The following CSMD3 variants were observed in gnomAD, a reference collection of about 807,000 sequenced individuals.
CSMD3 encodes the protein CUB and Sushi multiple domains 3, also known as CUB and sushi domain-containing protein 3.
CSMD3 carries 177 observed loss-of-function variants against 435.2 expected under a neutral mutation model. That is an observed-to-expected ratio of 0.41 (90% confidence interval 0.36 to 0.46). The LOEUF is 0.46. Among genes scored for constraint, CSMD3 ranks in the 20% least tolerant of loss-of-function variants. The probability of loss-of-function intolerance (pLI) is 0.34; values close to 1 mark genes in which losing one functional copy is unlikely to be tolerated. For missense variants in CSMD3, 4,265 were observed against 4,504.6 expected, an observed-to-expected ratio of 0.95 and a Z score of 1.52; for synonymous variants, 1,656 against 1,520.5, an observed-to-expected ratio of 1.09 and a Z score of -2.07.
chr8:112,602,857 G>A (rs559766997), intron 22 of CSMD3, among the ~76,000 whole-genome samples: 23 of 152,242 alleles, frequency 1.5e-4, no homozygotes, highest in East Asian at 9.6e-4. Context: ...TGAAATGGTA[G>A]GCAATCACAG....
rs561758470 is a variant in CSMD3 at position 113,276,283 on chromosome 8, G to A, written c.514+2309C>T. ...GAGATTAGCATTCATTAGCCAGATG[G>A]GCCCAAGCCAATCACACGGACTTTA... is the stretch of plus-strand genomic sequence containing the variant. On this transcript the variant is annotated intron_variant, in intron 3 of 70. Coordinates refer to ENST00000297405, the MANE Select transcript of CSMD3 (RefSeq NM_198123.2). Among the ~76,000 whole-genome samples the A allele has an allele frequency of 5.9e-5, 9 of 152,208 alleles. No individual in the cohort carries two copies. The South Asian group carries it at 1.2e-3, about 21-fold the overall frequency.
chr8:112,704,614 T>C (rs2076459438), intron 13 of CSMD3, among the ~76,000 whole-genome samples: 1 of 151,948 alleles, frequency 6.6e-6, no homozygotes, highest in Non-Finnish European at 1.5e-5. Context: ...TTCCGAGAGT[T>C]TTATGCAAGA....
intron 4 of CSMD3, among the ~76,000 whole-genome samples, chr8:113,160,263 T>G (rs2092013961): frequency 6.6e-6 from 1 of 151,904 alleles, no homozygotes; most frequent in African/African-American, 2.4e-5. Context: ...CTTATTATTT[T>G]TCTTCTATAT....
At chr8:113,393,216 G>A (rs1204378167) in intron 1 of CSMD3, among the ~76,000 whole-genome samples, 1 of 151,740 alleles carries the variant, frequency 6.6e-6, no homozygotes, top group African/African-American at 2.4e-5. Flanking sequence ...GTTATATTTG[G>A]TAGATACTGT....
At chr8:112,464,018 C>T (rs946719467) in intron 32 of CSMD3, among the ~76,000 whole-genome samples, 3 of 152,110 alleles carry the variant, frequency 2.0e-5, no homozygotes, top group South Asian at 4.2e-4. Context: ...GGGCAGATCA[C>T]GAGGTCAGGA....
chr8:112,489,216 G>A (rs141866796), intron 31 of CSMD3, among the ~76,000 whole-genome samples: 2,639 of 152,060 alleles, frequency 0.017, 77 homozygotes, highest in African/African-American at 0.06. Flanking sequence ...CCAGTAGTTC[G>A]AGACCAGCCT....
chr8:112,595,869 T>TAAAAA (rs200431462), intron 22 of CSMD3, among the ~76,000 whole-genome samples: 1 of 109,176 alleles, frequency 9.2e-6, no homozygotes, highest in East Asian at 2.5e-4. Flanking sequence ...AAGGAAGCGC[T>TAAAAA]AAACATGGAA....
intron 1 of CSMD3, among the ~76,000 whole-genome samples, chr8:113,426,896 A>G (rs1445503073): frequency 6.6e-6 from 1 of 151,512 alleles, no homozygotes; most frequent in Non-Finnish European, 1.5e-5. Context: ...GACTTGACCA[A>G]CCTTGGAGAA....
rs568769666 is a variant in CSMD3, at chr8:112,802,943, T to C, written c.1860-2669A>G. On this transcript the variant is annotated intron_variant, in intron 12 of 70. Coordinates refer to ENST00000297405, the MANE Select transcript of CSMD3 (RefSeq NM_198123.2). The stretch of plus-strand genomic sequence containing the variant: ...ACAATTAACTTTGATGGTGGAAAAA[T>C]AGGGGAAGCCAAGGATATTGCCTGC... Among the ~76,000 whole-genome samples, 53 of 152,126 alleles carry C rather than the reference T, an allele frequency of 3.5e-4. No homozygotes were observed. In the South Asian group the frequency reaches 4.8e-3, roughly 14 times the overall value.
intron 29 of CSMD3, 34 bp downstream of exon 29, chr8:112,506,657 T>G: frequency 6.2e-7 from 1 of 1,608,044 alleles, no homozygotes; most frequent in Non-Finnish European, 8.5e-7. Context: ...ACAATATATT[T>G]TTTTAACGTG....
intron 60 of CSMD3, 110 bp from the exon 61 acceptor site, chr8:112,263,922 G>A (rs1656536634): frequency 2.1e-6 from 2 of 950,024 alleles, no homozygotes; most frequent in East Asian, 5.2e-5. Flanking sequence ...ACCTTTTCGA[G>A]GACAATATGT....
intron 16 of CSMD3, among the ~76,000 whole-genome samples, chr8:112,680,572 A>G (rs2075866849): frequency 6.6e-6 from 1 of 152,182 alleles, no homozygotes; most frequent in South Asian, 2.1e-4. Flanking sequence ...ATACCATCAT[A>G]GTCATAATTA....
In CSMD3 at chr8:112,503,933, C is replaced by A. The variant is rs1172922860; in HGVS notation, c.4940G>T (p.Gly1647Val). The A allele has an allele frequency of 5.6e-6, 9 of 1,610,588 alleles. No homozygotes were observed. The Admixed American group carries it at 1.3e-4, about 24-fold the overall frequency. The change falls in exon 30 of 71, where the codon GGA becomes GTA. Residue 1647 changes from glycine to valine, a missense_variant. Physicochemically the swap from Gly to Val is moderately radical, Grantham distance 109. Around this residue, in one of 3 missense-constraint regions of CSMD3, gnomAD observed 3,255 missense variants for 3,380.2 expected, o/e 0.96. Coordinates refer to ENST00000297405, the MANE Select transcript of CSMD3 (RefSeq NM_198123.2). ...PNYDFLYIYD[G>V]PDSNSPLIGS... is the part of the protein sequence containing the mutation. The stretch of plus-strand genomic sequence containing the variant: ...AATCAGTGGGCTATTACTGTCTGGT[C>A]CATCATAGATATAGAGGAAGTCATA...
At chr8:112,235,845 C>T (rs1022096981) in intron 67 of CSMD3, among the ~76,000 whole-genome samples, 3 of 151,870 alleles carry the variant, frequency 2.0e-5, no homozygotes, top group Non-Finnish European at 1.5e-5. Flanking sequence ...TAAGTGAAAG[C>T]GAATTAATCT....
intron 2 of CSMD3, among the ~76,000 whole-genome samples, chr8:113,297,569 T>C (rs1374167629): frequency 6.6e-6 from 1 of 152,070 alleles, no homozygotes; most frequent in East Asian, 1.9e-4. Flanking sequence ...CTATTTTATT[T>C]AAACTAGTAG....
In CSMD3 at chr8:113,176,110, C is replaced by T. The variant is rs1246184750; in HGVS notation, c.515-2194G>A. 2.0e-5 allele frequency among the ~76,000 whole-genome samples: 3 copies of T among 152,158 alleles called. No individual in the cohort carries two copies. In the East Asian group the frequency reaches 5.8e-4, roughly 29 times the overall value. ...GATTACCTAATCTCCTGCCTTATCG[C>T]TTAATTACTTCTAAAACTGATAAAA... On this transcript the variant is annotated intron_variant, in intron 3 of 70. Transcript: ENST00000297405.
chr8:112,410,882 G>A lies in CSMD3; in HGVS notation c.5396-1850C>T, dbSNP rs1483180813. 3.3e-5 allele frequency among the ~76,000 whole-genome samples: 5 copies of A among 149,900 alleles called. No homozygotes were observed. In the South Asian group the frequency reaches 6.3e-4, roughly 19 times the overall value. Reference sequence around the variant, plus strand: ...AAAAATGGTATTTTAGTCTAATCACGGGAATTTTGTTACATCAAGCACACT... The same window carrying A: ...AAAAATGGTATTTTAGTCTAATCACAGGAATTTTGTTACATCAAGCACACT... On this transcript the variant is annotated intron_variant, in intron 32 of 70. Transcript: ENST00000297405.
intron 13 of CSMD3, among the ~76,000 whole-genome samples, chr8:112,717,755 C>A (rs1398268271): frequency 6.6e-6 from 1 of 152,074 alleles, no homozygotes; most frequent in Non-Finnish European, 1.5e-5. Context: ...AGATCATGTC[C>A]TTTGCAGGCA....
intron 53 of CSMD3, among the ~76,000 whole-genome samples, chr8:112,298,166 A>G (rs1033526944): frequency 1.3e-5 from 2 of 151,850 alleles, no homozygotes; most frequent in African/African-American, 4.8e-5. Context: ...ATTTTCCCCA[A>G]ACTGATGAAA....
Sources: gnomAD v4.1 joint callset for allele counts (sites outside exome capture counted in the v4.1 genomes callset) on GRCh38, gnomAD v4.1.1 for gene constraint, gnomAD v4.1.1 regional missense constraint, MANE v1.5 for transcripts, NCBI Gene and HGNC (gene_info 2026-07-23, HGNC 2026-07-21) for gene names.